The following WRN variants were observed in gnomAD, a reference collection of about 807,000 sequenced individuals.
WRN encodes the protein WRN RecQ like helicase, also known as bifunctional 3'-5' exonuclease/ATP-dependent helicase WRN.
A neutral mutation model predicts 180.7 loss-of-function variants in WRN; 149 were observed. The observed-to-expected ratio is 0.82, with a 90% CI of 0.72 to 0.94. The LOEUF (loss-of-function observed/expected upper bound fraction) is 0.94, where lower values mean the gene tolerates loss of function less well. WRN is among the 40% of genes least tolerant of loss of function. The probability of loss-of-function intolerance (pLI) is 0.00; values close to 1 mark genes in which losing one functional copy is unlikely to be tolerated. For synonymous variants in WRN, 548 were observed against 568.9 expected (o/e 0.96, Z 0.52); for missense variants, 1,661 against 1,700.1 (o/e 0.98, Z 0.40).
chr8:31,160,814 T>C (rs1803582317), intron 33 of WRN, among the ~76,000 whole-genome samples: 1 of 152,016 alleles, frequency 6.6e-6, no homozygotes, highest in Non-Finnish European at 1.5e-5. Context: ...TGAAACCCCG[T>C]CTCTACTAAA....
chr8:31,135,729 T>C (rs1398727751), intron 24 of WRN, among the ~76,000 whole-genome samples: 1 of 152,184 alleles, frequency 6.6e-6, no homozygotes, highest in South Asian at 2.1e-4. Flanking sequence ...TGGAGAAGAA[T>C]GGCATTCACA....
chr8:31,168,520 G>C lies in WRN; in HGVS notation c.4191+1290G>C, dbSNP rs1238576509. Among the ~76,000 whole-genome samples the C allele has an allele frequency of 2.0e-5, 3 of 151,856 alleles. No individual in the cohort carries two copies. In the East Asian group the frequency reaches 5.8e-4, roughly 29 times the overall value. On this transcript the variant is annotated intron_variant, in intron 34 of 34. Coordinates refer to ENST00000298139, the MANE Select transcript of WRN (RefSeq NM_000553.6). The stretch of plus-strand genomic sequence containing the variant: ...AACAAGAGAATGGTGGGTATTTTGG[G>C]GGGGGTTGGGTGGGGAGAAATTTTA...
chr8:31,123,320 A>G (rs1416871001), intron 21 of WRN, among the ~76,000 whole-genome samples: 1 of 152,058 alleles, frequency 6.6e-6, no homozygotes, highest in Non-Finnish European at 1.5e-5. Flanking sequence ...TTTCATAGGT[A>G]TATACATATA....
chr8:31,100,005 C>A (rs184948206), intron 17 of WRN, among the ~76,000 whole-genome samples: 1 of 152,132 alleles, frequency 6.6e-6, no homozygotes, highest in Non-Finnish European at 1.5e-5. Context: ...TTTAATCATC[C>A]TCCTCCTAGT....
chr8:31,083,495 T>G (rs929852242), intron 9 of WRN, among the ~76,000 whole-genome samples: 3 of 152,098 alleles, frequency 2.0e-5, no homozygotes, highest in African/African-American at 7.2e-5. Flanking sequence ...TATTTCTTTC[T>G]TTCTCTTTGG....
At chr8:31,116,560 G>A (rs2130306596) in intron 20 of WRN, 32 bp downstream of exon 20, 1 of 1,611,678 alleles carries the variant, frequency 6.2e-7, no homozygotes, top group Non-Finnish European at 8.5e-7. Flanking sequence ...GCTCTCCGTT[G>A]CTCATAGTGG....
At chr8:31,084,241 CA>C (rs1270495202) in intron 10 of WRN, among the ~76,000 whole-genome samples, 1 of 152,118 alleles carries the variant, frequency 6.6e-6, no homozygotes, top group African/African-American at 2.4e-5. Context: ...TCAAGTAATC[CA>C]CCCGCCTTGG....
At chr8:31,119,209 G>A (rs978294581) in intron 20 of WRN, among the ~76,000 whole-genome samples, 17 of 145,966 alleles carry the variant, frequency 1.2e-4, no homozygotes, top group Admixed American at 7.6e-4. Context: ...TCTTCCTTTC[G>A]TATTCCTGGT....
At chr8:31,164,233 A>G (rs1269611894) in intron 33 of WRN, among the ~76,000 whole-genome samples, 1 of 152,180 alleles carries the variant, frequency 6.6e-6, no homozygotes, top group African/African-American at 2.4e-5. Flanking sequence ...TCTTTATAAA[A>G]TACTTTTTGT....
At chr8:31,060,741 C>T (rs1203137305) in intron 3 of WRN, among the ~76,000 whole-genome samples, 1 of 152,188 alleles carries the variant, frequency 6.6e-6, no homozygotes, top group Non-Finnish European at 1.5e-5. Context: ...ATTAACTCTA[C>T]CATTTTACCT....
At chr8:31,160,639 A>G (rs1247255981) in intron 33 of WRN, among the ~76,000 whole-genome samples, 1 of 152,194 alleles carries the variant, frequency 6.6e-6, no homozygotes, top group Admixed American at 6.5e-5. Context: ...CAGGGCTTAA[A>G]GCAATTTGCA....
intron 18 of WRN, among the ~76,000 whole-genome samples, chr8:31,108,673 A>C (rs893415521): frequency 1.9e-4 from 29 of 152,128 alleles, no homozygotes; most frequent in Non-Finnish European, 8.8e-5. Context: ...ACCTGGGTAC[A>C]TTTTGCAAAG....
intron 3 of WRN, among the ~76,000 whole-genome samples, chr8:31,060,293 A>C (rs1012156311): frequency 8.5e-5 from 13 of 152,182 alleles, no homozygotes; most frequent in African/African-American, 2.9e-4. Flanking sequence ...GGTGCTGGGC[A>C]CAGTGGCTCA....
At chr8:31,083,629 C>T in intron 9 of WRN, 70 bp from the exon 10 acceptor site, 2 of 1,208,970 alleles carry the variant, frequency 1.7e-6, no homozygotes, top group South Asian at 2.5e-5. Context: ...TATATAGGAG[C>T]TTTGTTCTGC....
intron 7 of WRN, among the ~76,000 whole-genome samples, chr8:31,068,619 G>A (rs926317786): frequency 6.6e-6 from 1 of 152,118 alleles, no homozygotes; most frequent in African/African-American, 2.4e-5. Flanking sequence ...CTTTCTCCTA[G>A]TCTGGAGATT....
intron 23 of WRN, among the ~76,000 whole-genome samples, chr8:31,130,640 AAAG>A (rs905705788): frequency 4.7e-5 from 7 of 150,176 alleles, no homozygotes; most frequent in East Asian, 1.9e-4. Context: ...TTTTCATTTT[AAAG>A]AAGAAGTTTA....
At chr8:31,164,992 T>C (rs1803796078) in intron 33 of WRN, among the ~76,000 whole-genome samples, 1 of 152,114 alleles carries the variant, frequency 6.6e-6, no homozygotes, top group African/African-American at 2.4e-5. Context: ...TAGAAAAATA[T>C]ATGAATTTTT....
At chr8:31,169,856 G>A (rs754320617) in intron 34 of WRN, among the ~76,000 whole-genome samples, 4 of 150,268 alleles carry the variant, frequency 2.7e-5, no homozygotes, top group East Asian at 1.9e-4. Context: ...AGGCAGCCTC[G>A]GCTAGTCCCA....
intron 19 of WRN, among the ~76,000 whole-genome samples, chr8:31,112,393 C>A: frequency 6.6e-6 from 1 of 152,164 alleles, no homozygotes; most frequent in East Asian, 1.9e-4. Context: ...TATTGTGTTC[C>A]AAGGACTATT....
Sources: allele counts gnomAD v4.1 joint callset (sites outside exome capture counted in the v4.1 genomes callset), GRCh38; gene constraint gnomAD v4.1.1; transcripts MANE v1.5; gene names NCBI Gene and HGNC (gene_info 2026-07-23, HGNC 2026-07-21).